The following FBN1 variants were observed in gnomAD, a reference collection of about 807,000 sequenced individuals.
FBN1 encodes fibrillin 1, also known as fibrillin-1.
In FBN1, 29 loss-of-function variants were observed where a neutral mutation model predicts 365.1. The ratio of observed to expected loss-of-function variants is 0.08; its 90% CI spans 0.06 to 0.11. The LOEUF (loss-of-function observed/expected upper bound fraction) is 0.11. FBN1 is among the 10% of genes least tolerant of loss of function. The pLI, the probability that FBN1 is intolerant of heterozygous loss-of-function variation, is 1.00. For synonymous variants in FBN1, 1,210 were observed against 1,270.5 expected, an observed-to-expected ratio of 0.95 and a Z score of 1.01; for missense variants, 2,476 against 3,703.2, an observed-to-expected ratio of 0.67 and a Z score of 8.60.
At chr15:48,485,295 T>A in intron 30 of FBN1, 79 bp downstream of exon 30, 1 of 1,602,332 alleles carries the variant, frequency 6.2e-7, no homozygotes, top group Non-Finnish European at 8.5e-7. Flanking sequence ...CAAGCCTGCT[T>A]GACTCCAAAG....
intron 6 of FBN1, among the ~76,000 whole-genome samples, chr15:48,539,877 ATATT>A (rs1339082995): frequency 2.6e-5 from 4 of 152,030 alleles, no homozygotes; most frequent in Non-Finnish European, 4.4e-5. Context: ...GTATAGTTTA[ATATT>A]TTACATTGTA....
rs753069896 is a variant in FBN1 at position 48,411,955 on chromosome 15, T to C, written c.8227-576A>G. Among the ~76,000 whole-genome samples, 77 of 152,244 alleles carry C rather than the reference T, an allele frequency of 5.1e-4. 1 individual carries two copies. The highest frequency in any genetic ancestry group is 9.6e-4 in the Non-Finnish European group (65 of 68,034). Reference sequence around the variant, plus strand: ...CACACCTATGAGCCTACTTCCTGACTGTGATGATCTGCTAATATTCAATGC... The same window carrying C: ...CACACCTATGAGCCTACTTCCTGACCGTGATGATCTGCTAATATTCAATGC... On this transcript the variant is annotated intron_variant, in intron 65 of 65. Coordinates refer to ENST00000316623, the MANE Select transcript of FBN1 (RefSeq NM_000138.5).
At chr15:48,415,915 C>T (rs1406665536) in intron 63 of FBN1, 148 bp from the exon 64 acceptor site, 1 of 710,418 alleles carries the variant, frequency 1.4e-6, no homozygotes, top group Non-Finnish European at 2.6e-6. Context: ...GTGGGGAGAG[C>T]AACAGCAGAG....
intron 23 of FBN1, 74 bp from the exon 24 acceptor site, chr15:48,492,660 A>C (rs2043571450): frequency 8.4e-7 from 1 of 1,187,860 alleles, no homozygotes. Flanking sequence ...TCATAGAGTC[A>C]TAATTATTCC....
In FBN1 at chr15:48,411,194, A is replaced by C. The variant is rs794728285; in HGVS notation, c.8412T>G (p.Phe2804Leu). ...TGATCCCTTCCTTTTGGTTGATTTT[A>C]AAGAAGCCATCTTCATTTCCAGATT... is the stretch of plus-strand genomic sequence containing the variant. ...LIESGNEDGFFKINQKEGISY... is the reference protein window; with the variant it reads ...LIESGNEDGFLKINQKEGISY... Residue 2804 changes from phenylalanine (F) to leucine (L), a missense_variant, in exon 66 of 66, where the codon TTT becomes TTG. Around this residue, in one of 5 missense-constraint regions of FBN1, gnomAD observed 177 missense variants for 192.7 expected, o/e 0.92. Transcript: ENST00000316623. The C allele has an allele frequency of 6.2e-7, 1 of 1,614,130 alleles. No homozygotes were observed. Among genetic ancestry groups the C allele is most frequent in the Non-Finnish European group, 8.5e-7 (1 of 1,180,010 alleles).
chr15:48,470,606 C>T, intron 36 of FBN1, 28 bp downstream of exon 36: 1 of 1,613,496 alleles, frequency 6.2e-7, no homozygotes, highest in Non-Finnish European at 8.5e-7. Context: ...CACCAGGGAG[C>T]TGATTTTGAT....
chr15:48,540,165 T>G (rs1327877083), intron 6 of FBN1, among the ~76,000 whole-genome samples: 1 of 152,208 alleles, frequency 6.6e-6, no homozygotes, highest in Non-Finnish European at 1.5e-5. Flanking sequence ...AAATACATCT[T>G]TGCTGTTTGG....
chr15:48,489,957 T>C lies in FBN1; in HGVS notation c.2976A>G (p.Glu992=), dbSNP rs755477434. 8 of 1,614,158 alleles carry C rather than the reference T, an allele frequency of 5.0e-6. No individual in the cohort carries two copies. The highest frequency in any genetic ancestry group is 6.8e-6 in the Non-Finnish European group (8 of 1,180,010). The change falls in exon 25 of 66, where the codon GAA becomes GAG. Residue 992 remains glutamate, a synonymous_variant. Coordinates refer to ENST00000316623, the MANE Select transcript of FBN1 (RefSeq NM_000138.5). The part of the protein sequence containing the change: ...CSVGAAWGTE[E]CEECPMRNTP... ...TATTTCTCATGGGACACTCCTCGCA[T>C]TCCTCAGTACCCCAGGCTGCCCCGA... is the stretch of plus-strand genomic sequence containing the variant.
At chr15:48,575,779 G>A (rs1180780449) in intron 6 of FBN1, among the ~76,000 whole-genome samples, 1 of 146,374 alleles carries the variant, frequency 6.8e-6, no homozygotes, top group East Asian at 2.0e-4. Context: ...ATCAATGGAG[G>A]GCTGGATAAA....
In FBN1 at chr15:48,505,078, C is replaced by A; in HGVS notation, c.1907G>T (p.Arg636Ile). 1.9e-6 allele frequency: 3 copies of A among 1,614,200 alleles called. No homozygotes were observed. Among genetic ancestry groups the A allele is most frequent in the Non-Finnish European group, 2.5e-6 (3 of 1,180,032 alleles). The change falls in exon 16 of 66, where the codon AGA becomes ATA. Residue 636 changes from arginine (R) to isoleucine (I), a missense_variant. Physicochemically the swap from Arg to Ile is moderately conservative, Grantham distance 97. Coordinates refer to ENST00000316623, the MANE Select transcript of FBN1 (RefSeq NM_000138.5). The part of the protein sequence containing the change: ...GRCVNTDGSY[R>I]CECFPGLAVG... ...AGCCAGTCCAGGGAAGCATTCACATCTGTAGGAGCCATCAGTGTTGACGCA... is the reference window on the plus strand; with the variant it reads ...AGCCAGTCCAGGGAAGCATTCACATATGTAGGAGCCATCAGTGTTGACGCA...
Position 48,467,854 on chromosome 15 carries a change from A to T in FBN1, c.4747+84T>A. The T allele has an allele frequency of 4.1e-6, 5 of 1,225,902 alleles. No homozygotes were observed. In the South Asian group the frequency reaches 6.0e-5, roughly 15 times the overall value. The allele number at this position is 1,225,902 out of a possible 1,614,324, so 75.9% of individuals were successfully genotyped here. On this transcript the variant is annotated intron_variant, in intron 38 of 65. Coordinates refer to ENST00000316623, the MANE Select transcript of FBN1 (RefSeq NM_000138.5). ...GGACTGATCTTTCTTCTCTGATCTA[A>T]GAGTAGAAAAGGTTTGTCTTCTGAT...
At chr15:48,470,295 G>A (rs2043360668) in intron 36 of FBN1, among the ~76,000 whole-genome samples, 1 of 152,012 alleles carries the variant, frequency 6.6e-6, no homozygotes. Context: ...ATGATCCCGG[G>A]GCATGGCCTC....
chr15:48,564,431 A>G (rs2044245267), intron 6 of FBN1, among the ~76,000 whole-genome samples: 1 of 152,148 alleles, frequency 6.6e-6, no homozygotes, highest in Non-Finnish European at 1.5e-5. Flanking sequence ...GGTCACAGAA[A>G]AGACACTTTG....
intron 2 of FBN1, among the ~76,000 whole-genome samples, chr15:48,639,696 T>C (rs1008429746): frequency 6.6e-6 from 1 of 152,216 alleles, no homozygotes; most frequent in Admixed American, 6.5e-5. Context: ...AACGCTAAAC[T>C]ATCATGTGCC....
rs747213800 is a variant in FBN1 at position 48,411,024 on chromosome 15, T to G, written c.8582A>C (p.Asn2861Thr). The G allele has an allele frequency of 6.2e-7, 1 of 1,613,828 alleles. No individual in the cohort carries two copies. The change falls in exon 66 of 66, where the codon AAT becomes ACT. Residue 2861 changes from asparagine to threonine, a missense_variant. By Grantham distance (65) the Asn-to-Thr change is moderately conservative (BLOSUM62 0). Around this residue, in one of 5 missense-constraint regions of FBN1, gnomAD observed 177 missense variants for 192.7 expected, o/e 0.92. Transcript: ENST00000316623. ...CAAAACCTGGATTTTCATCTTCAGA[T>G]TATCACCCAGTTCACCACTGAGGTA... is the stretch of plus-strand genomic sequence containing the variant. ...KDYLSGELGDNLKMKIQVLLH is the reference protein window; with the variant it reads ...KDYLSGELGDTLKMKIQVLLH
chr15:48,473,065 A>T (rs1292258568), intron 34 of FBN1, among the ~76,000 whole-genome samples: 1 of 152,216 alleles, frequency 6.6e-6, no homozygotes, highest in African/African-American at 2.4e-5. Flanking sequence ...CATAGGGAGA[A>T]GAAAAATTCC....
At chr15:48,448,942 T>C in intron 45 of FBN1, 49 bp from the exon 46 acceptor site, 1 of 1,474,840 alleles carries the variant, frequency 6.8e-7, no homozygotes, top group Non-Finnish European at 9.5e-7. Context: ...CAAAATATAA[T>C]TGAATAACTT....
At chr15:48,523,685 G>C (rs1315639763) in intron 9 of FBN1, among the ~76,000 whole-genome samples, 1 of 144,234 alleles carries the variant, frequency 6.9e-6, no homozygotes, top group African/African-American at 2.6e-5. Flanking sequence ...ACTTCGTTAG[G>C]CAGCAGTGCC....
chr15:48,637,414 G>A (rs918065802), intron 2 of FBN1, among the ~76,000 whole-genome samples: 8 of 151,996 alleles, frequency 5.3e-5, no homozygotes, highest in African/African-American at 1.2e-4. Flanking sequence ...ACCTATGTAC[G>A]GGCTCACAAG....
Sources: gnomAD v4.1 joint callset for allele counts (sites outside exome capture counted in the v4.1 genomes callset) on GRCh38, gnomAD v4.1.1 for gene constraint, gnomAD v4.1.1 regional missense constraint, MANE v1.5 for transcripts, NCBI Gene and HGNC (gene_info 2026-07-23, HGNC 2026-07-21) for gene names.